The following BCAS3 variants were observed in gnomAD, a reference collection of about 807,000 sequenced individuals.
BCAS3 encodes the protein BCAS4/BCAS3 fusion.
In BCAS3, 53 loss-of-function variants were observed where a neutral mutation model predicts 116.1. The ratio of observed to expected loss-of-function variants is 0.46; its 90% confidence interval spans 0.37 to 0.57. The LOEUF (loss-of-function observed/expected upper bound fraction) is 0.57. Among genes scored for constraint, BCAS3 ranks in the 20% least tolerant of loss-of-function variants. The pLI is 0.00. For missense variants in BCAS3, 917 were observed against 1,165.4 expected (o/e 0.79, Z 3.10); for synonymous variants, 391 against 408.2 (o/e 0.96, Z 0.51).
Position 61,215,946 on chromosome 17 carries a change from C to A in BCAS3, c.2425+131382C>A, listed in dbSNP as rs1458175595. Among the ~76,000 whole-genome samples the A allele has an allele frequency of 6.6e-6, 1 of 152,174 alleles. No individual in the cohort carries two copies. Among genetic ancestry groups the A allele is most frequent in the Admixed American group, 6.5e-5 (1 of 15,276 alleles). The stretch of plus-strand genomic sequence containing the variant: ...GCTTTTCAGGATATAATAGGTAAAT[C>A]CACTTCTCTAGTATATTCAAATATA... On this transcript the variant is annotated intron_variant, in intron 22 of 23. Transcript: ENST00000407086. This position sits in a 1 kb window ranked among gnomAD's most constrained non-coding sequence, Gnocchi z 4.8.
chr17:60,808,825 G>A (rs1453391136), intron 7 of BCAS3, among the ~76,000 whole-genome samples: 1 of 152,184 alleles, frequency 6.6e-6, no homozygotes, highest in Admixed American at 6.5e-5. Flanking sequence ...GCAGAGAAGG[G>A]AGAGATCAGT....
At chr17:61,163,945 C>T (rs866342665) in intron 22 of BCAS3, among the ~76,000 whole-genome samples, 20 of 142,530 alleles carry the variant, frequency 1.4e-4, no homozygotes, top group South Asian at 2.2e-4. Context: ...TGCAGTGAGC[C>T]GAGATTGTAC....
At chr17:61,022,921 C>T (rs2065979067) in intron 16 of BCAS3, among the ~76,000 whole-genome samples, 1 of 152,190 alleles carries the variant, frequency 6.6e-6, no homozygotes, top group African/African-American at 2.4e-5. Flanking sequence ...GCATGAGCCA[C>T]CATGCCCAGC....
intron 14 of BCAS3, among the ~76,000 whole-genome samples, chr17:60,986,652 T>G (rs546529438): frequency 2.6e-5 from 4 of 152,306 alleles, no homozygotes; most frequent in African/African-American, 7.2e-5. Flanking sequence ...TTTGAGAAAA[T>G]CTATTCATAT....
intron 22 of BCAS3, among the ~76,000 whole-genome samples, chr17:61,317,761 A>G (rs2054868927): frequency 2.0e-5 from 3 of 152,254 alleles, no homozygotes; most frequent in Admixed American, 1.3e-4. Flanking sequence ...CAAGGGCCCA[A>G]TACCCAGATT....
intron 16 of BCAS3, among the ~76,000 whole-genome samples, chr17:61,027,178 C>T (rs2066311373): frequency 6.6e-6 from 1 of 150,802 alleles, no homozygotes; most frequent in African/African-American, 2.4e-5. Flanking sequence ...TCTCATAATG[C>T]TCGTAAATAT....
Position 61,392,205 on chromosome 17 carries a change from C to A in BCAS3, c.*80C>A. On this transcript the variant is annotated 3_prime_UTR_variant, in exon 24 of 24. Transcript: ENST00000407086. The surrounding 1 kb of genome is among the most constrained non-coding windows in gnomAD (Gnocchi z 6.4). ...GAAGCCCCGCTCTGGTCCTACCCTTCAGTCTCTGCTCTTCCTTCATCAACC... is the reference window on the plus strand; with the variant it reads ...GAAGCCCCGCTCTGGTCCTACCCTTAAGTCTCTGCTCTTCCTTCATCAACC... 6.8e-7 allele frequency: 1 copy of A among 1,481,396 alleles called. No individual in the cohort carries two copies. Among genetic ancestry groups the A allele is most frequent in the East Asian group, 2.3e-5 (1 of 43,764 alleles). 91.8% of individuals were successfully genotyped at this position (1,481,396 alleles called of 1,614,324 possible).
intron 22 of BCAS3, among the ~76,000 whole-genome samples, chr17:61,218,458 T>C (rs2081931006): frequency 6.6e-6 from 1 of 152,180 alleles, no homozygotes; most frequent in Admixed American, 6.6e-5. Context: ...TTCCTAGAGG[T>C]CCTACAATCC....
At chr17:61,267,702 A>T (rs2049863922) in intron 22 of BCAS3, among the ~76,000 whole-genome samples, 1 of 149,776 alleles carries the variant, frequency 6.7e-6, no homozygotes, top group Admixed American at 6.6e-5. Flanking sequence ...AGCCTGGGCG[A>T]CAGAGCAAGA....
At position 61,315,121 on chromosome 17, in the gene BCAS3, T is replaced by C. The variant is rs2054619855; in HGVS notation, c.2426-53206T>C. Among the ~76,000 whole-genome samples, 2 of 152,140 alleles carry C rather than the reference T, an allele frequency of 1.3e-5. No individual in the cohort carries two copies. The highest frequency in any genetic ancestry group is 6.5e-5 in the Admixed American group (1 of 15,280). ...GCTCAGCCTACACTCCCTTTTCTTT[T>C]TCTTTTTTTCGCGAGACAGATTCTC... is the stretch of plus-strand genomic sequence containing the variant. On this transcript the variant is annotated intron_variant, in intron 22 of 23. Coordinates refer to ENST00000407086, the MANE Select transcript of BCAS3 (RefSeq NM_017679.5). This position sits in a 1 kb window ranked among gnomAD's most constrained non-coding sequence, Gnocchi z 5.3.
chr17:61,152,575 A>T (rs1188562373), intron 22 of BCAS3, among the ~76,000 whole-genome samples: 1 of 152,172 alleles, frequency 6.6e-6, no homozygotes, highest in Non-Finnish European at 1.5e-5. Flanking sequence ...AGGCTTGAAC[A>T]TGTTGAGCCC....
At chr17:61,236,536 G>A (rs2083075366) in intron 22 of BCAS3, among the ~76,000 whole-genome samples, 1 of 152,072 alleles carries the variant, frequency 6.6e-6, no homozygotes. Context: ...TAGCCAGGGT[G>A]GTCTCGATCT....
chr17:60,989,009 G>A (rs1208266464), intron 14 of BCAS3, among the ~76,000 whole-genome samples: 1 of 150,634 alleles, frequency 6.6e-6, no homozygotes, highest in Non-Finnish European at 1.5e-5. Flanking sequence ...TTTTATTTAG[G>A]TGCTTATAAC....
chr17:61,084,397 A>G lies in BCAS3; in HGVS notation c.2328-70A>G. The G allele has an allele frequency of 7.9e-7, 1 of 1,266,130 alleles. No individual in the cohort carries two copies. Among genetic ancestry groups the G allele is most frequent in the South Asian group, 1.3e-5 (1 of 76,808 alleles). 78.4% of individuals were successfully genotyped at this position (1,266,130 alleles called of 1,614,324 possible). On this transcript the variant is annotated intron_variant, in intron 21 of 23. Transcript: ENST00000407086. This position sits in a 1 kb window ranked among gnomAD's most constrained non-coding sequence, Gnocchi z 5.5. ...TGTGCTACTCCAGCATTCCTGATTT[A>G]AGGTCATTTGTAGCAAGTGACAGTT...
At chr17:60,799,530 T>TTTTTTTTTTTTTTTTTTTG in intron 6 of BCAS3, among the ~76,000 whole-genome samples, 1 of 130,588 alleles carries the variant, frequency 7.7e-6, no homozygotes, top group African/African-American at 3.3e-5. Flanking sequence ...GTTTGTTTTT[T>TTTTTTTTTTTTTTTTTTTG]TTTTTTTTTT....
At chr17:61,059,061 A>ATTTTT (rs1665097071) in intron 19 of BCAS3, among the ~76,000 whole-genome samples, 1 of 35,832 alleles carries the variant, frequency 2.8e-5, no homozygotes, top group Admixed American at 2.9e-4. Flanking sequence ...TTTTCTCCCC[A>ATTTTT]TCTTTTTTTT....
chr17:61,058,263 C>T (rs1283296913), intron 19 of BCAS3, among the ~76,000 whole-genome samples: 2 of 152,158 alleles, frequency 1.3e-5, no homozygotes, highest in Non-Finnish European at 2.9e-5. Flanking sequence ...AGACTTTTGG[C>T]CATATGATTC....
chr17:60,827,873 A>C (rs2050573897), intron 7 of BCAS3, among the ~76,000 whole-genome samples: 1 of 152,200 alleles, frequency 6.6e-6, no homozygotes, highest in Non-Finnish European at 1.5e-5. Flanking sequence ...TTTAGTATAC[A>C]GTTAAAAATA....
intron 13 of BCAS3, among the ~76,000 whole-genome samples, chr17:60,934,678 A>C (rs2059826860): frequency 6.6e-6 from 1 of 152,136 alleles, no homozygotes. Context: ...TCTTATTCAG[A>C]TTGGCCTGTA....
Sources: gnomAD v4.1 joint callset for allele counts (sites outside exome capture counted in the v4.1 genomes callset) on GRCh38, gnomAD v4.1.1 for gene constraint, Gnocchi (gnomAD v3.1) non-coding constraint, MANE v1.5 for transcripts, NCBI Gene and HGNC (gene_info 2026-07-23, HGNC 2026-07-21) for gene names.